KMT2D: variants seen among roughly 807,000 people sequenced by gnomAD.
The protein encoded by KMT2D is lysine methyltransferase 2D.
Under a neutral mutation model 512.7 loss-of-function variants are expected in KMT2D, and 55 were observed. That is an observed-to-expected ratio of 0.11 (90% CI 0.09 to 0.13). The LOEUF is 0.13. Among genes scored for constraint, KMT2D ranks in the 10% least tolerant of loss-of-function variants. The pLI is 1.00. For missense variants in KMT2D, 6,061 were observed against 7,127.9 expected (o/e 0.85, Z 5.39); for synonymous variants, 2,995 against 2,904.0 (o/e 1.03, Z -1.01).
In KMT2D at chr12:49,030,677, T is replaced by C. The variant is rs760847881; in HGVS notation, c.13763A>G (p.Gln4588Arg). 2 of 1,613,226 alleles carry C rather than the reference T, an allele frequency of 1.2e-6. No individual in the cohort carries two copies. The highest frequency in any genetic ancestry group is 2.7e-5 in the African/African-American group (2 of 74,944). ...TCCAAAGGCCCCCCTCAGCTGGCTC[T>C]GCCCATTGACTGGGCAGCCACTGCC... ...PFGSGCPVNG[Q>R]SQLRGAFGSG... The change falls in exon 42 of 55, where the codon CAG becomes CGG. Residue 4588 changes from glutamine (Q) to arginine (R), a missense_variant. Physicochemically the swap from Gln to Arg is conservative, Grantham distance 43. Transcript: ENST00000301067.
Position 49,041,751 on chromosome 12 carries a change from T to C in KMT2D, c.6184-46A>G, listed in dbSNP as rs1426291793. 3.2e-6 allele frequency: 5 copies of C among 1,580,410 alleles called. No homozygotes were observed. Among genetic ancestry groups the C allele is most frequent in the East Asian group, 2.3e-5 (1 of 43,506 alleles). On this transcript the variant is annotated intron_variant, in intron 30 of 54. Coordinates refer to ENST00000301067, the MANE Select transcript of KMT2D (RefSeq NM_003482.4). The surrounding 1 kb of genome is among the most constrained non-coding windows in gnomAD (Gnocchi z 5.4). Reference sequence around the variant, plus strand: ...CCTTAGGGCCTAGTGCTTGGTCTCATGCCCCGCCCCCATACTGTAGTGTTT... The same window carrying C: ...CCTTAGGGCCTAGTGCTTGGTCTCACGCCCCGCCCCCATACTGTAGTGTTT...
rs1486678267 is a variant in KMT2D at position 49,037,276 on chromosome 12, C to T, written c.10080G>A (p.Gln3360=). The T allele has an allele frequency of 6.2e-7, 1 of 1,613,680 alleles. No homozygotes were observed. The highest frequency in any genetic ancestry group is 8.5e-7 in the Non-Finnish European group (1 of 1,179,832). ...VSNQGHMLSG[Q]HGGQAGLVPQ... ...GTACCAAGCCTGCCTGCCCTCCATG[C>T]TGCCCACTTAGCATATGCCCTTGAT... The change falls in exon 35 of 55, where the codon CAG becomes CAA. Residue 3360 remains glutamine, a synonymous_variant. Transcript: ENST00000301067.
Position 49,029,062 on chromosome 12 carries a change from T to C in KMT2D, c.14250A>G (p.Pro4750=), listed in dbSNP as rs766829760. ...GCCCACATCCAGAGTAGCACATACC[T>C]GGGATGCTGGCCCGAGGAATGAGGG... is the stretch of plus-strand genomic sequence containing the variant. ...VIPLIPRASI[P]VFPDTKPYGA... Residue 4750 remains proline (P), a splice_region_variant and synonymous_variant, in exon 45 of 55, where the codon CCA becomes CCG. Transcript: ENST00000301067. 6.2e-7 allele frequency: 1 copy of C among 1,602,062 alleles called. No individual in the cohort carries two copies. The highest frequency in any genetic ancestry group is 8.5e-7 in the Non-Finnish European group (1 of 1,171,604).
chr12:49,047,630 C>G (rs1160065414), intron 15 of KMT2D, among the ~76,000 whole-genome samples: 1 of 151,722 alleles, frequency 6.6e-6, no homozygotes, highest in African/African-American at 2.4e-5. Context: ...ATGTTGACCA[C>G]GATGGTCCTG....
rs1361062364 is a variant in KMT2D at position 49,049,836 on chromosome 12, G to T, written c.3752C>A (p.Ala1251Asp). ...GAGCCGTAGGGAGCCCTCATCTCGGGCTGGACTAACATCCGTAGAGACCCC... is the reference window on the plus strand; with the variant it reads ...GAGCCGTAGGGAGCCCTCATCTCGGTCTGGACTAACATCCGTAGAGACCCC... ...ELGVSTDVSP[A>D]RDEGSLRLCT... Residue 1251 changes from alanine to aspartate, a missense_variant, in exon 12 of 55, where the codon GCC (alanine) becomes GAC (aspartate). Ala to Asp is a moderately radical substitution (Grantham distance 126). Around this residue, in one of 16 missense-constraint regions of KMT2D, gnomAD observed 447 missense variants for 500.1 expected, o/e 0.89. Coordinates refer to ENST00000301067, the MANE Select transcript of KMT2D (RefSeq NM_003482.4). The T allele has an allele frequency of 6.2e-7, 1 of 1,613,962 alleles. No homozygotes were observed. Among genetic ancestry groups the T allele is most frequent in the Non-Finnish European group, 8.5e-7 (1 of 1,179,892 alleles).
Position 49,032,855 on chromosome 12 carries a change from C to T in KMT2D, c.11850G>A (p.Gln3950=), listed in dbSNP as rs2120435487. 6.5e-7 allele frequency: 1 copy of T among 1,550,004 alleles called. No homozygotes were observed. Among genetic ancestry groups the T allele is most frequent in the Non-Finnish European group, 8.7e-7 (1 of 1,146,698 alleles). The change falls in exon 40 of 55, where the codon CAG becomes CAA. Residue 3950 remains glutamine, a synonymous_variant. Coordinates refer to ENST00000301067, the MANE Select transcript of KMT2D (RefSeq NM_003482.4). The stretch of plus-strand genomic sequence containing the variant: ...GTTGCTGTTGTAGCTGCTGTTGCTG[C>T]TGTTGAAGCTGTTGCTGCTGCTGTT... The part of the protein sequence containing the change: ...LQQQQQQQLQ[Q]QQQQLQQQQQ...
In KMT2D at chr12:49,033,816, T is replaced by C. The variant is rs794727608; in HGVS notation, c.10889A>G (p.Lys3630Arg). The change falls in exon 40 of 55, where the codon AAG (lysine) becomes AGG (arginine). Residue 3630 changes from lysine (K) to arginine (R), a missense_variant. By Grantham distance (26) the Lys-to-Arg change is conservative. Coordinates refer to ENST00000301067, the MANE Select transcript of KMT2D (RefSeq NM_003482.4). ...SPSQSPRLLT[K>R]LPGQLLPGHG... is the part of the protein sequence containing the mutation. ...GCCAGGGAGCAGCTGACCAGGGAGC[T>C]TGGTGAGCAGCCGGGGACTCTGGGA... is the stretch of plus-strand genomic sequence containing the variant. 1 of 1,590,784 alleles carries C rather than the reference T, an allele frequency of 6.3e-7. No homozygotes were observed. Among genetic ancestry groups the C allele is most frequent in the Non-Finnish European group, 8.6e-7 (1 of 1,168,874 alleles).
In KMT2D at chr12:49,050,545, T is replaced by C. The variant is rs774958631; in HGVS notation, c.3043A>G (p.Ile1015Val). The change falls in exon 12 of 55, where the codon ATC (isoleucine) becomes GTC (valine). Residue 1015 changes from isoleucine (I) to valine (V), a missense_variant. Physicochemically the swap from Ile to Val is conservative, Grantham distance 29. Coordinates refer to ENST00000301067, the MANE Select transcript of KMT2D (RefSeq NM_003482.4). ...TGAGGAGGAAGGGGCTCCATCAGGATGGGAGAAGCCGGCCCCACTGGGGAG... is the reference window on the plus strand; with the variant it reads ...TGAGGAGGAAGGGGCTCCATCAGGACGGGAGAAGCCGGCCCCACTGGGGAG... ...PGSPVGPASP[I>V]LMEPLPPQCS... is the part of the protein sequence containing the mutation. The C allele has an allele frequency of 1.9e-6, 3 of 1,604,816 alleles. No individual in the cohort carries two copies. In the African/African-American group the frequency reaches 4.0e-5, roughly 22 times the overall value.
Position 49,060,074 on chromosome 12 carries a change from C to A in KMT2D, c.-499G>T, listed in dbSNP as rs1230113845. Among the ~76,000 whole-genome samples, 1 of 151,530 alleles carries A rather than the reference C, an allele frequency of 6.6e-6. No individual in the cohort carries two copies. Among genetic ancestry groups the A allele is most frequent in the East Asian group, 2.0e-4 (1 of 5,106 alleles). On this transcript the variant is annotated 5_prime_UTR_variant, in exon 1 of 55. Coordinates refer to ENST00000301067, the MANE Select transcript of KMT2D (RefSeq NM_003482.4). ...AATGCCGCGCCGCCCCGCGCCTGGC[C>A]CGGATGGAACGTGAGACCCTCGCAG...
rs1942918783 is a variant in KMT2D at position 49,031,683 on chromosome 12, G to A, written c.13022C>T (p.Pro4341Leu). 2 of 1,611,500 alleles carry A rather than the reference G, an allele frequency of 1.2e-6. No homozygotes were observed. The highest frequency in any genetic ancestry group is 1.7e-5 in the Admixed American group (1 of 59,604). Residue 4341 changes from proline (P) to leucine (L), a missense_variant, in exon 40 of 55, where the codon CCA (proline) becomes CTA (leucine). Around this residue, in one of 16 missense-constraint regions of KMT2D, gnomAD observed 1,600 missense variants for 1,754.9 expected, o/e 0.91. Coordinates refer to ENST00000301067, the MANE Select transcript of KMT2D (RefSeq NM_003482.4). ...TGGCCCCTGAGGTTTGGGGGTCCCT[G>A]GATGGGTGGGAGGGAGCTGGGCCTC... is the stretch of plus-strand genomic sequence containing the variant. Reference protein sequence around the residue: ...PTEAQLPPTHPGTPKPQGPTL... With the variant: ...PTEAQLPPTHLGTPKPQGPTL...
chr12:49,035,045 C>CGGCAA (rs1312281106), intron 35 of KMT2D, 110 bp from the exon 36 acceptor site: 1 of 1,354,316 alleles, frequency 7.4e-7, no homozygotes, highest in East Asian at 2.5e-5. Flanking sequence ...AACAATGGCA[C>CGGCAA]GGCAAGGCAG....
In KMT2D at chr12:49,048,087, A is replaced by C; in HGVS notation, c.4132-18T>G. 6.5e-7 allele frequency: 1 copy of C among 1,541,118 alleles called. No individual in the cohort carries two copies. Among genetic ancestry groups the C allele is most frequent in the Non-Finnish European group, 9.0e-7 (1 of 1,116,132 alleles). On this transcript the variant is annotated intron_variant, in intron 14 of 54. Coordinates refer to ENST00000301067, the MANE Select transcript of KMT2D (RefSeq NM_003482.4). ...CACATGTCCTGGGGAAACACAGAGA[A>C]ACCCAAATGTCCAACTAGATCTCCC...
rs2120506435 is a variant in KMT2D at position 49,038,943 on chromosome 12, G to A, written c.8413C>T (p.Pro2805Ser). 1 of 1,551,792 alleles carries A rather than the reference G, an allele frequency of 6.4e-7. No homozygotes were observed. Among genetic ancestry groups the A allele is most frequent in the Non-Finnish European group, 8.7e-7 (1 of 1,147,064 alleles). The change falls in exon 35 of 55, where the codon CCT becomes TCT. Residue 2805 changes from proline (P) to serine (S), a missense_variant. Transcript: ENST00000301067. This position sits in a 1 kb window ranked among gnomAD's most constrained non-coding sequence, Gnocchi z 5.7. ...TGCTGCTGTAAGGGCAGGGACCCAGGATAGGGTGCTCGCTGATAGAAAGCT... is the reference window on the plus strand; with the variant it reads ...TGCTGCTGTAAGGGCAGGGACCCAGAATAGGGTGCTCGCTGATAGAAAGCT... ...SQAFYQRAPY[P>S]GSLPLQQQQQ...
chr12:49,046,081 G>A lies in KMT2D; in HGVS notation c.4677C>T (p.Tyr1559=), dbSNP rs373017608. The A allele has an allele frequency of 2.3e-5, 37 of 1,611,562 alleles. No individual in the cohort carries two copies. The highest frequency in any genetic ancestry group is 3.4e-5 in the Admixed American group (2 of 59,586). ...EGFDCVSCQP[Y]VVKPVAPVAP... ...GGTACTCACCCACAGGCTTTACCAC[G>A]TAGGGCTGGCAGGAGACACAGTCAA... The change falls in exon 18 of 55, where the codon TAC becomes TAT. Residue 1559 remains tyrosine (Y), a synonymous_variant. Coordinates refer to ENST00000301067, the MANE Select transcript of KMT2D (RefSeq NM_003482.4). The surrounding 1 kb of genome is among the most constrained non-coding windows in gnomAD (Gnocchi z 4.2).
chr12:49,021,374 G>T lies in KMT2D; in HGVS notation c.*406C>A. The T allele has an allele frequency of 3.7e-6, 1 of 273,752 alleles. No homozygotes were observed. Among genetic ancestry groups the T allele is most frequent in the Non-Finnish European group, 7.0e-6 (1 of 143,798 alleles). 17.0% of individuals were successfully genotyped at this position (273,752 alleles called of 1,614,324 possible). A position where few individuals can be genotyped will look rare whatever the true frequency, so the allele number is the denominator to read the frequency against. On this transcript the variant is annotated 3_prime_UTR_variant, in exon 55 of 55. Coordinates refer to ENST00000301067, the MANE Select transcript of KMT2D (RefSeq NM_003482.4). ...TCAAGCTTAGTCAAGTCTCTTTGCAGCCGTGAGTTGGGCCGGAGAGGTCAG... is the reference window on the plus strand; with the variant it reads ...TCAAGCTTAGTCAAGTCTCTTTGCATCCGTGAGTTGGGCCGGAGAGGTCAG...
In KMT2D at chr12:49,055,026, G is replaced by C. The variant is rs769271092; in HGVS notation, c.50C>G (p.Ala17Gly). ...GTCCTCAGAAGCTGCAGGTCCATCA[G>C]CTGAATAAACAGACAAACAGCATGT... The part of the protein sequence containing the change: ...AGEDKDSEPA[A>G]DGPAASEDPS... Residue 17 changes from alanine (A) to glycine (G), a missense_variant and splice_region_variant, in exon 3 of 55, where the codon GCT (alanine) becomes GGT (glycine). Transcript: ENST00000301067. 1 of 1,613,802 alleles carries C rather than the reference G, an allele frequency of 6.2e-7. No individual in the cohort carries two copies. The highest frequency in any genetic ancestry group is 8.5e-7 in the Non-Finnish European group (1 of 1,179,800).
Position 49,039,107 on chromosome 12 carries a change from G to C in KMT2D, c.8366+115C>G. On this transcript the variant is annotated intron_variant, in intron 34 of 54. Coordinates refer to ENST00000301067, the MANE Select transcript of KMT2D (RefSeq NM_003482.4). The surrounding 1 kb of genome is among the most constrained non-coding windows in gnomAD (Gnocchi z 5.0). ...AGTGAGGGAGAAAAGGAATGAGGAA[G>C]AAGAGAAAGTGATACTGGAAAAGGA... 1 of 1,524,670 alleles carries C rather than the reference G, an allele frequency of 6.6e-7. No individual in the cohort carries two copies. The highest frequency in any genetic ancestry group is 1.1e-5 in the South Asian group (1 of 87,966). 94.4% of individuals were successfully genotyped at this position (1,524,670 alleles called of 1,614,324 possible). A position where few individuals can be genotyped will look rare whatever the true frequency, so the allele number is the denominator to read the frequency against.
chr12:49,027,297 G>A lies in KMT2D; in HGVS notation c.14669C>T (p.Thr4890Ile), dbSNP rs1942650796. The A allele has an allele frequency of 3.3e-6, 5 of 1,534,052 alleles. No individual in the cohort carries two copies. The highest frequency in any genetic ancestry group is 4.4e-6 in the Non-Finnish European group (5 of 1,143,826). The change falls in exon 49 of 55, where the codon ACT becomes ATT. Residue 4890 changes from threonine to isoleucine, a missense_variant. This residue lies in a region of KMT2D where 1,600 missense variants were observed against 1,754.9 expected (regional missense o/e 0.91). Transcript: ENST00000301067. The part of the protein sequence containing the change: ...KQESPAPEPP[T>I]QHSYTYNVSN... ...GACATTGTAGGTATAGCTGTGCTGAGTGGGTGGCTCTGGGGCGGGGCTCTC... is the reference window on the plus strand; with the variant it reads ...GACATTGTAGGTATAGCTGTGCTGAATGGGTGGCTCTGGGGCGGGGCTCTC...
chr12:49,019,067 A>C lies in KMT2D; in HGVS notation c.*2713T>G. 7.5e-7 allele frequency: 1 copy of C among 1,338,558 alleles called. No homozygotes were observed. The highest frequency in any genetic ancestry group is 9.6e-7 in the Non-Finnish European group (1 of 1,042,658). The allele number at this position is 1,338,558 out of a possible 1,614,324, so 82.9% of individuals were successfully genotyped here. On this transcript the variant is annotated 3_prime_UTR_variant, in exon 55 of 55. Transcript: ENST00000301067. ...CTTGCCCTTTGCCTCTCGCAACATA[A>C]ATATGTACAGTTCAGAATGATCGCT...
Sources: allele counts gnomAD v4.1 joint callset (sites outside exome capture counted in the v4.1 genomes callset), GRCh38; gene constraint gnomAD v4.1.1; regional missense constraint gnomAD v4.1.1; non-coding constraint Gnocchi (gnomAD v3.1); transcripts MANE v1.5; gene names NCBI Gene and HGNC (gene_info 2026-07-23, HGNC 2026-07-21).